Variants in ATXN1L observed in about 807,000 individuals in gnomAD.
ATXN1L encodes the protein ataxin 1 like.
A neutral mutation model predicts 43.4 loss-of-function variants in ATXN1L; 8 were observed. The ratio of observed to expected loss-of-function variants is 0.18; its 90% CI spans 0.11 to 0.33. The LOEUF (loss-of-function observed/expected upper bound fraction) is 0.33, where lower values mean the gene tolerates loss of function less well. ATXN1L is among the 10% of genes least tolerant of loss of function. The pLI is 1.00. For synonymous variants in ATXN1L, 379 were observed against 360.6 expected (o/e 1.05, Z -0.58); for missense variants, 856 against 885.4 (o/e 0.97, Z 0.42).
In ATXN1L at chr16:71,856,051, G is replaced by T. The variant is rs2047953797; in HGVS notation, c.*4241G>T. The T allele has an allele frequency of 6.0e-6, 1 of 167,054 alleles. No homozygotes were observed. The highest frequency in any genetic ancestry group is 2.4e-5 in the African/African-American group (1 of 41,444). 10.3% of individuals were successfully genotyped at this position (167,054 alleles called of 1,614,324 possible). ...TCTTTGGACCAGAAGCCTGGTCTGT[G>T]CCTAGGATGACACTGGCCCCAGAGA... On this transcript the variant is annotated 3_prime_UTR_variant, in exon 3 of 3. Transcript: ENST00000427980.
chr16:71,849,930 G>A lies in ATXN1L; in HGVS notation c.190G>A (p.Gly64Arg). Residue 64 changes from glycine (G) to arginine (R), a missense_variant, in exon 3 of 3, where the codon GGG (glycine) becomes AGG (arginine). Physicochemically the swap from Gly to Arg is moderately radical, Grantham distance 125. This residue lies in a region of ATXN1L where 93 missense variants were observed against 113.4 expected (regional missense o/e 0.82). Coordinates refer to ENST00000427980, the MANE Select transcript of ATXN1L (RefSeq NM_001137675.4). The part of the protein sequence containing the change: ...QSQAGARVSL[G>R]GDGAEAITGL... ...CCAGGCAGGAGCCAGAGTCAGCCTG[G>A]GGGGTGATGGAGCTGAGGCCATCAC... 1 of 1,551,198 alleles carries A rather than the reference G, an allele frequency of 6.4e-7. No individual in the cohort carries two copies. The highest frequency in any genetic ancestry group is 8.7e-7 in the Non-Finnish European group (1 of 1,146,628).
chr16:71,851,002 T>C lies in ATXN1L; in HGVS notation c.1262T>C (p.Val421Ala). The C allele has an allele frequency of 1.3e-6, 2 of 1,551,706 alleles. No individual in the cohort carries two copies. The highest frequency in any genetic ancestry group is 1.7e-6 in the Non-Finnish European group (2 of 1,146,972). The change falls in exon 3 of 3, where the codon GTG (valine) becomes GCG (alanine). Residue 421 changes from valine (V) to alanine (A), a missense_variant. By Grantham distance (64) the Val-to-Ala change is moderately conservative. Coordinates refer to ENST00000427980, the MANE Select transcript of ATXN1L (RefSeq NM_001137675.4). The surrounding 1 kb of genome is among the most constrained non-coding windows in gnomAD (Gnocchi z 4.9). ...ATGGTTGTAGCCAATGGCAACCTGG[T>C]GCCCACTGGAACTGACTCAGGCCTG... ...KAMVVANGNL[V>A]PTGTDSGLLP...
rs542116369 is a variant in ATXN1L, at chr16:71,852,042, G to A, written c.*232G>A. ...TTGTGATGGGGAGCAGCAGGCCTGGGGCAAGGAAGGAAGGGGGTGCACACA... is the reference window on the plus strand; with the variant it reads ...TTGTGATGGGGAGCAGCAGGCCTGGAGCAAGGAAGGAAGGGGGTGCACACA... On this transcript the variant is annotated 3_prime_UTR_variant, in exon 3 of 3. Coordinates refer to ENST00000427980, the MANE Select transcript of ATXN1L (RefSeq NM_001137675.4). 6.0e-5 allele frequency: 24 copies of A among 399,554 alleles called. No individual in the cohort carries two copies. The highest frequency in any genetic ancestry group is 4.7e-4 in the African/African-American group (23 of 48,422). 24.8% of individuals were successfully genotyped at this position (399,554 alleles called of 1,614,324 possible). A position where few individuals can be genotyped will look rare whatever the true frequency, so the allele number is the denominator to read the frequency against.
At position 71,851,247 on chromosome 16, in the gene ATXN1L, C is replaced by T. The variant is rs981819151; in HGVS notation, c.1507C>T (p.Leu503=). Residue 503 remains leucine, a synonymous_variant, in exon 3 of 3, where the codon CTG becomes TTG. Transcript: ENST00000427980. This position sits in a 1 kb window ranked among gnomAD's most constrained non-coding sequence, Gnocchi z 4.9. ...FVRSAEVSGG[L]KIDSSTVVDI... is the part of the protein sequence containing the mutation. ...GCGCAGTGCCGAAGTGAGCGGGGGG[C>T]TGAAGATTGACTCTAGCACGGTCGT... 3 of 1,551,662 alleles carry T rather than the reference C, an allele frequency of 1.9e-6. No homozygotes were observed. Among genetic ancestry groups the T allele is most frequent in the Non-Finnish European group, 2.6e-6 (3 of 1,146,980 alleles).
rs1295935772 is a variant in ATXN1L at position 71,857,156 on chromosome 16, C to T, written c.*5346C>T. The T allele has an allele frequency of 6.0e-6, 1 of 166,754 alleles. No homozygotes were observed. Among genetic ancestry groups the T allele is most frequent in the Non-Finnish European group, 1.5e-5 (1 of 68,098 alleles). The allele number at this position is 166,754 out of a possible 1,614,324, so 10.3% of individuals were successfully genotyped here. A position where few individuals can be genotyped will look rare whatever the true frequency, so the allele number is the denominator to read the frequency against. On this transcript the variant is annotated 3_prime_UTR_variant, in exon 3 of 3. Coordinates refer to ENST00000427980, the MANE Select transcript of ATXN1L (RefSeq NM_001137675.4). ...CTGTATATTTGTACTTTTGTGAGAT[C>T]CTTTTTGCTGTTTTACCATTTTAAG... is the stretch of plus-strand genomic sequence containing the variant.
At position 71,857,149 on chromosome 16, in the gene ATXN1L, G is replaced by C. The variant is rs1256895217; in HGVS notation, c.*5339G>C. On this transcript the variant is annotated 3_prime_UTR_variant, in exon 3 of 3. Coordinates refer to ENST00000427980, the MANE Select transcript of ATXN1L (RefSeq NM_001137675.4). ...ATTTGTACTGTATATTTGTACTTTTGTGAGATCCTTTTTGCTGTTTTACCA... is the reference window on the plus strand; with the variant it reads ...ATTTGTACTGTATATTTGTACTTTTCTGAGATCCTTTTTGCTGTTTTACCA... 6.0e-6 allele frequency: 1 copy of C among 166,730 alleles called. No individual in the cohort carries two copies. Among genetic ancestry groups the C allele is most frequent in the East Asian group, 1.9e-4 (1 of 5,194 alleles). 10.3% of individuals were successfully genotyped at this position (166,730 alleles called of 1,614,324 possible).
rs905066897 is a variant in ATXN1L, at chr16:71,846,048, G to C, written c.-236G>C. The C allele has an allele frequency of 4.2e-5, 8 of 189,676 alleles. No individual in the cohort carries two copies. Among genetic ancestry groups the C allele is most frequent in the Admixed American group, 3.1e-4 (5 of 16,234 alleles). 11.7% of individuals were successfully genotyped at this position (189,676 alleles called of 1,614,324 possible). A position where few individuals can be genotyped will look rare whatever the true frequency, so the allele number is the denominator to read the frequency against. ...GGGGCCGGGGATGGCGGCGGCCGCG[G>C]TTGCGGCGGCTCCGGGACGAGTGAG... On this transcript the variant is annotated 5_prime_UTR_variant, in exon 1 of 3. Coordinates refer to ENST00000427980, the MANE Select transcript of ATXN1L (RefSeq NM_001137675.4).
chr16:71,846,356 G>A (rs898197857), intron 1 of ATXN1L, among the ~76,000 whole-genome samples: 1 of 152,244 alleles, frequency 6.6e-6, no homozygotes, highest in African/African-American at 2.4e-5. Flanking sequence ...GGGGCGGGAA[G>A]GGCCCCCAAA....
intron 1 of ATXN1L, among the ~76,000 whole-genome samples, chr16:71,847,258 C>G (rs1397990654): frequency 6.6e-6 from 1 of 152,170 alleles, no homozygotes; most frequent in Non-Finnish European, 1.5e-5. Context: ...TCCATTCTTT[C>G]TCGCTTTGCG....
chr16:71,848,330 C>T (rs111750718), intron 2 of ATXN1L: 75 of 246,076 alleles, frequency 3.0e-4, no homozygotes, highest in African/African-American at 1.2e-3. Flanking sequence ...CATACAGATA[C>T]GGGGAAAAAA....
At position 71,855,270 on chromosome 16, in the gene ATXN1L, C is replaced by G. The variant is rs6499545; in HGVS notation, c.*3460C>G. The G allele has an allele frequency of 4.9e-3, 812 of 167,194 alleles. 6 individuals carry two copies. Among genetic ancestry groups the G allele is most frequent in the Non-Finnish European group, 5.1e-3 (345 of 68,100 alleles). 10.4% of individuals were successfully genotyped at this position (167,194 alleles called of 1,614,324 possible). A position where few individuals can be genotyped will look rare whatever the true frequency, so the allele number is the denominator to read the frequency against. On this transcript the variant is annotated 3_prime_UTR_variant, in exon 3 of 3. Coordinates refer to ENST00000427980, the MANE Select transcript of ATXN1L (RefSeq NM_001137675.4). ...AGGCTTCAGTGCTGTTGGGAGCCCTCTGGCTCCAAATGTCTGACTATCTTG... is the reference window on the plus strand; with the variant it reads ...AGGCTTCAGTGCTGTTGGGAGCCCTGTGGCTCCAAATGTCTGACTATCTTG...
In ATXN1L at chr16:71,855,787, C is replaced by G. The variant is rs2033545182; in HGVS notation, c.*3977C>G. ...TAGGGAGACATCTTGGCCTCCTAGG[C>G]TAAGTTTACTAAACCACACTGAAGC... On this transcript the variant is annotated 3_prime_UTR_variant, in exon 3 of 3. Transcript: ENST00000427980. The G allele has an allele frequency of 6.0e-6, 1 of 167,040 alleles. No individual in the cohort carries two copies. The highest frequency in any genetic ancestry group is 1.5e-5 in the Non-Finnish European group (1 of 68,130). The allele number at this position is 167,040 out of a possible 1,614,324, so 10.3% of individuals were successfully genotyped here.
chr16:71,848,731 C>T (rs2033468454), intron 2 of ATXN1L, among the ~76,000 whole-genome samples: 1 of 150,256 alleles, frequency 6.7e-6, no homozygotes, highest in Non-Finnish European at 1.5e-5. Flanking sequence ...AGGGTTTTGG[C>T]ACCTAGGTCC....
Position 71,854,429 on chromosome 16 carries a change from A to G in ATXN1L, c.*2619A>G, listed in dbSNP as rs986100532. Reference sequence around the variant, plus strand: ...TACCACAATATCGTTCCATGCATATATAACATATTAATACTTGATTTTGCT... The same window carrying G: ...TACCACAATATCGTTCCATGCATATGTAACATATTAATACTTGATTTTGCT... On this transcript the variant is annotated 3_prime_UTR_variant, in exon 3 of 3. Transcript: ENST00000427980. The G allele has an allele frequency of 1.2e-5, 2 of 167,198 alleles. No homozygotes were observed. Among genetic ancestry groups the G allele is most frequent in the Admixed American group, 1.3e-4 (2 of 15,308 alleles). 10.4% of individuals were successfully genotyped at this position (167,198 alleles called of 1,614,324 possible).
Position 71,852,082 on chromosome 16 carries a change from C to A in ATXN1L, c.*272C>A, listed in dbSNP as rs2033510346. On this transcript the variant is annotated 3_prime_UTR_variant, in exon 3 of 3. Transcript: ENST00000427980. ...GGGTGCACACAGGAGAAGAAACATT[C>A]CAAAATCAGGGCCTCCCTGTTCTTT... is the stretch of plus-strand genomic sequence containing the variant. The A allele has an allele frequency of 9.6e-6, 3 of 314,018 alleles. No homozygotes were observed. Among genetic ancestry groups the A allele is most frequent in the African/African-American group, 2.2e-5 (1 of 46,416 alleles). The allele number at this position is 314,018 out of a possible 1,614,324, so 19.5% of individuals were successfully genotyped here. A position where few individuals can be genotyped will look rare whatever the true frequency, so the allele number is the denominator to read the frequency against.
In ATXN1L at chr16:71,853,538, C is replaced by CTGAT. The variant is rs2033525580; in HGVS notation, c.*1728_*1729insTGAT. On this transcript the variant is annotated 3_prime_UTR_variant, in exon 3 of 3. Transcript: ENST00000427980. ...CCTGGCCTGGCATCAGGAGTCCAAA[C>CTGAT]CTCTGAGGTCTGATCTCTGCTCTGT... 1 of 167,086 alleles carries CTGAT rather than the reference C, an allele frequency of 6.0e-6. No homozygotes were observed. The highest frequency in any genetic ancestry group is 2.4e-5 in the African/African-American group (1 of 41,424). 10.4% of individuals were successfully genotyped at this position (167,086 alleles called of 1,614,324 possible).
chr16:71,852,392 A>C lies in ATXN1L; in HGVS notation c.*582A>C, dbSNP rs747437162. 2 of 167,286 alleles carry C rather than the reference A, an allele frequency of 1.2e-5. No individual in the cohort carries two copies. Among genetic ancestry groups the C allele is most frequent in the Non-Finnish European group, 2.9e-5 (2 of 68,306 alleles). 10.4% of individuals were successfully genotyped at this position (167,286 alleles called of 1,614,324 possible). On this transcript the variant is annotated 3_prime_UTR_variant, in exon 3 of 3. Coordinates refer to ENST00000427980, the MANE Select transcript of ATXN1L (RefSeq NM_001137675.4). ...GTGGGGGAGGAGCACTCTCATCTGC[A>C]GGACTCTGCTTGATCCTCTGCTTCA...
At position 71,851,862 on chromosome 16, in the gene ATXN1L, G is replaced by A. The variant is rs144413705; in HGVS notation, c.*52G>A. 1.4e-5 allele frequency: 19 copies of A among 1,376,560 alleles called. No homozygotes were observed. Among genetic ancestry groups the A allele is most frequent in the African/African-American group, 1.2e-4 (8 of 68,606 alleles). The allele number at this position is 1,376,560 out of a possible 1,614,324, so 85.3% of individuals were successfully genotyped here. ...CTTTACCCCAGAGCCTCGCCTCGCC[G>A]CCGTGAGCAGGCAGAGGATTTGCAC... On this transcript the variant is annotated 3_prime_UTR_variant, in exon 3 of 3. Transcript: ENST00000427980. The surrounding 1 kb of genome is among the most constrained non-coding windows in gnomAD (Gnocchi z 4.9).
In ATXN1L at chr16:71,851,031, C is replaced by T. The variant is rs1278325366; in HGVS notation, c.1291C>T (p.Pro431Ser). Residue 431 changes from proline to serine, a missense_variant, in exon 3 of 3, where the codon CCT becomes TCT. Transcript: ENST00000427980. This position sits in a 1 kb window ranked among gnomAD's most constrained non-coding sequence, Gnocchi z 4.9. ...CACTGGAACTGACTCAGGCCTGCTG[C>T]CTGTGGGCTCGGAGATCCTGGTAGC... ...VPTGTDSGLL[P>S]VGSEILVASS... The T allele has an allele frequency of 1.3e-6, 2 of 1,551,502 alleles. No homozygotes were observed. The highest frequency in any genetic ancestry group is 2.4e-5 in the East Asian group (1 of 40,914).
Sources: gnomAD v4.1 joint callset for allele counts (sites outside exome capture counted in the v4.1 genomes callset) on GRCh38, gnomAD v4.1.1 for gene constraint, gnomAD v4.1.1 regional missense constraint, Gnocchi (gnomAD v3.1) non-coding constraint, MANE v1.5 for transcripts, NCBI Gene and HGNC (gene_info 2026-07-23, HGNC 2026-07-21) for gene names.